Variants in CDH10 observed in about 807,000 individuals in gnomAD.
The protein encoded by CDH10 is cadherin 10, also known as cadherin-10.
Under a neutral mutation model 73.1 loss-of-function variants are expected in CDH10, and 30 were observed. The observed-to-expected ratio is 0.41, with a 90% CI of 0.31 to 0.56. The LOEUF (loss-of-function observed/expected upper bound fraction) is 0.56. Ranked by LOEUF, CDH10 falls within the 20% of genes least tolerant of loss-of-function variation. CDH10 has a pLI of 0.27. For missense variants in CDH10, 815 were observed against 973.7 expected (o/e 0.84, Z 2.17); for synonymous variants, 345 against 348.2 (o/e 0.99, Z 0.10).
At position 24,610,220 on chromosome 5, in the gene CDH10, T is replaced by C. The variant is rs184766987; in HGVS notation, c.-123-16607A>G. ...TGTACCTTCACAAATGCTAAATTAA[T>C]TTTTAAAATATTGTGAAGTAGATTC... On this transcript the variant is annotated intron_variant, in intron 1 of 11. Transcript: ENST00000264463. Among the ~76,000 whole-genome samples, 11 of 152,344 alleles carry C rather than the reference T, an allele frequency of 7.2e-5. No homozygotes were observed. In the East Asian group the frequency reaches 2.1e-3, roughly 29 times the overall value.
At chr5:24,525,367 T>C (rs1187266919) in intron 5 of CDH10, among the ~76,000 whole-genome samples, 1 of 152,104 alleles carries the variant, frequency 6.6e-6, no homozygotes, top group Non-Finnish European at 1.5e-5. Context: ...ATAATTTAAC[T>C]TTAGCTTAAT....
At chr5:24,588,966 T>C (rs1746111564) in intron 2 of CDH10, among the ~76,000 whole-genome samples, 1 of 152,150 alleles carries the variant, frequency 6.6e-6, no homozygotes, top group Non-Finnish European at 1.5e-5. Context: ...ACTGCAGAAA[T>C]AGGACATGGG....
Position 24,504,506 on chromosome 5 carries a change from C to CT in CDH10, c.1393+605dup, listed in dbSNP as rs70965605. Among the ~76,000 whole-genome samples the CT allele has an allele frequency of 1.2e-4, 8 of 65,164 alleles. 1 individual carries two copies. The highest frequency in any genetic ancestry group is 2.5e-4 in the African/African-American group (4 of 16,042). The allele number at this position is 65,164 out of a possible 152,430, so 42.8% of individuals were successfully genotyped here. ...TATTAAATGCTTTTCTCCTATTAAT[C>CT]TTTTTTTTTTTTTTTTTTTTTTTTT... On this transcript the variant is annotated intron_variant, in intron 8 of 11. Transcript: ENST00000264463.
At chr5:24,632,406 T>A (rs1020752407) in intron 1 of CDH10, among the ~76,000 whole-genome samples, 2 of 152,048 alleles carry the variant, frequency 1.3e-5, no homozygotes, top group Non-Finnish European at 2.9e-5. Flanking sequence ...TTTGAAATAA[T>A]ACCTAGTGTG....
intron 1 of CDH10, among the ~76,000 whole-genome samples, chr5:24,604,871 TAAAAAAAAAAAA>T (rs71576696): frequency 1.1e-4 from 13 of 116,356 alleles, no homozygotes; most frequent in East Asian, 2.4e-4. Flanking sequence ...AAGATGTCTC[TAAAAAAAAAAAA>T]AAAAAAAAAA....
rs1744994400 is a variant in CDH10, at chr5:24,562,451, AC to A, written c.232-24778del. On this transcript the variant is annotated intron_variant, in intron 2 of 11. Transcript: ENST00000264463. ...GTTTTTAGTTTTGATCAAACTGGAA[AC>A]CAAAGAAATTAAATGATTTTCCTAT... 1.3e-5 allele frequency among the ~76,000 whole-genome samples: 2 copies of A among 152,098 alleles called. 1 individual carries two copies. The highest frequency in any genetic ancestry group is 4.1e-4 in the South Asian group (2 of 4,830).
chr5:24,557,658 A>C (rs927058176), intron 2 of CDH10, among the ~76,000 whole-genome samples: 3 of 151,786 alleles, frequency 2.0e-5, no homozygotes, highest in African/African-American at 4.8e-5. Context: ...CAGTTTATAA[A>C]AGAAAAAAAA....
intron 2 of CDH10, among the ~76,000 whole-genome samples, chr5:24,567,579 A>G (rs565890317): frequency 3.3e-5 from 5 of 152,152 alleles, no homozygotes; most frequent in Admixed American, 2.6e-4. Flanking sequence ...TTTAAATAAA[A>G]TTTTAAATGA....
intron 11 of CDH10, 68 bp from the exon 12 acceptor site, chr5:24,488,221 T>C (rs1741918846): frequency 1.6e-6 from 2 of 1,287,642 alleles, no homozygotes; most frequent in East Asian, 2.3e-5. Flanking sequence ...GTGGAAATAC[T>C]ATAAAAGAGT....
At chr5:24,551,890 A>G (rs1744559568) in intron 2 of CDH10, among the ~76,000 whole-genome samples, 1 of 152,054 alleles carries the variant, frequency 6.6e-6, no homozygotes, top group South Asian at 2.1e-4. Flanking sequence ...ATACTTCCTT[A>G]TCCATCTTTT....
At chr5:24,518,705 G>A (rs747200108) in intron 5 of CDH10, among the ~76,000 whole-genome samples, 1 of 151,638 alleles carries the variant, frequency 6.6e-6, no homozygotes, top group Non-Finnish European at 1.5e-5. Flanking sequence ...TTTTTTCCCT[G>A]TTCTCTGCAT....
intron 2 of CDH10, among the ~76,000 whole-genome samples, chr5:24,574,954 T>C (rs1393820592): frequency 6.6e-6 from 1 of 151,944 alleles, no homozygotes. Context: ...TACCTCAATA[T>C]GTTATTTAGA....
chr5:24,487,557 A>G lies in CDH10; in HGVS notation c.*106T>C, dbSNP rs755624077. ...AATTAAGAAGTAAATGAGAAAAAAA[A>G]TTGTGCTGACTGGCAGGAAAATGCT... On this transcript the variant is annotated 3_prime_UTR_variant, in exon 12 of 12. Transcript: ENST00000264463. The G allele has an allele frequency of 8.2e-6, 9 of 1,092,566 alleles. No individual in the cohort carries two copies. Among genetic ancestry groups the G allele is most frequent in the African/African-American group, 1.6e-5 (1 of 63,320 alleles). The allele number at this position is 1,092,566 out of a possible 1,614,324, so 67.7% of individuals were successfully genotyped here. A position where few individuals can be genotyped will look rare whatever the true frequency, so the allele number is the denominator to read the frequency against.
At chr5:24,530,969 T>C (rs1743720272) in intron 5 of CDH10, among the ~76,000 whole-genome samples, 1 of 152,108 alleles carries the variant, frequency 6.6e-6, no homozygotes. Flanking sequence ...AATGTTCCCC[T>C]GAGCGTAAAG....
chr5:24,544,483 A>T (rs1478833043), intron 2 of CDH10, among the ~76,000 whole-genome samples: 1 of 152,194 alleles, frequency 6.6e-6, no homozygotes. Flanking sequence ...ATAGCTGCAT[A>T]AATTAGTTCT....
Position 24,509,117 on chromosome 5 carries a change from T to C in CDH10, c.1256+449A>G, listed in dbSNP as rs117320652. ...GCTCACCATATTTGTATACAACTTA[T>C]GGAATGACTCTTGTATCTTCCATCG... is the stretch of plus-strand genomic sequence containing the variant. On this transcript the variant is annotated intron_variant, in intron 7 of 11. Coordinates refer to ENST00000264463, the MANE Select transcript of CDH10 (RefSeq NM_006727.5). Among the ~76,000 whole-genome samples, 41 of 151,648 alleles carry C rather than the reference T, an allele frequency of 2.7e-4. No homozygotes were observed. In the East Asian group the frequency reaches 6.8e-3, roughly 25 times the overall value.
chr5:24,611,328 C>T (rs1409808926), intron 1 of CDH10, among the ~76,000 whole-genome samples: 3 of 152,016 alleles, frequency 2.0e-5, no homozygotes, highest in Non-Finnish European at 4.4e-5. Flanking sequence ...GGCTCCATGG[C>T]TGTAACCCTA....
chr5:24,598,537 C>T (rs1438364490), intron 1 of CDH10, among the ~76,000 whole-genome samples: 3 of 147,398 alleles, frequency 2.0e-5, no homozygotes, highest in East Asian at 3.9e-4. Context: ...TTTGTTGTTC[C>T]TAAAAAAAAA....
chr5:24,620,592 CAT>C (rs1332974577), intron 1 of CDH10, among the ~76,000 whole-genome samples: 5 of 152,092 alleles, frequency 3.3e-5, no homozygotes, highest in African/African-American at 1.2e-4. Flanking sequence ...ACTATTTTTC[CAT>C]ATATATACTA....
Sources: allele counts gnomAD v4.1 joint callset (sites outside exome capture counted in the v4.1 genomes callset), GRCh38; gene constraint gnomAD v4.1.1; transcripts MANE v1.5; gene names NCBI Gene and HGNC (gene_info 2026-07-23, HGNC 2026-07-21).